Variants in PHACTR3 observed in about 807,000 individuals in gnomAD.
PHACTR3 encodes the protein phosphatase and actin regulator 3, also known as protein phosphatase 1, regulatory subunit 123.
In PHACTR3, 16 loss-of-function variants were observed where a neutral mutation model predicts 66.8. The ratio of observed to expected loss-of-function variants is 0.24; its 90% CI spans 0.16 to 0.36. The LOEUF (loss-of-function observed/expected upper bound fraction) is 0.36, where lower values mean the gene tolerates loss of function less well. PHACTR3 is among the 10% of genes least tolerant of loss of function. PHACTR3 has a pLI of 1.00. For missense variants in PHACTR3, 647 were observed against 719.9 expected (o/e 0.90, Z 1.16); for synonymous variants, 323 against 292.1 (o/e 1.11, Z -1.08).
chr20:59,653,228 A>T (rs1413431427), intron 1 of PHACTR3, among the ~76,000 whole-genome samples: 1 of 150,082 alleles, frequency 6.7e-6, no homozygotes, highest in Non-Finnish European at 1.5e-5. Flanking sequence ...TCTGGCACCC[A>T]GGCTGGAGTG....
chr20:59,824,733 G>A (rs2042135876), intron 8 of PHACTR3, among the ~76,000 whole-genome samples: 1 of 152,206 alleles, frequency 6.6e-6, no homozygotes, highest in Non-Finnish European at 1.5e-5. Flanking sequence ...TTTTTGACCT[G>A]AGCATTGACC....
At chr20:59,619,817 G>T (rs775706985) in intron 1 of PHACTR3, among the ~76,000 whole-genome samples, 31 of 152,214 alleles carry the variant, frequency 2.0e-4, no homozygotes, top group Non-Finnish European at 3.2e-4. Flanking sequence ...TGGTCACCTG[G>T]CTACCCTGGC....
chr20:59,735,324 C>T (rs1462407729), intron 1 of PHACTR3, among the ~76,000 whole-genome samples: 4 of 151,766 alleles, frequency 2.6e-5, no homozygotes, highest in African/African-American at 9.7e-5. Context: ...GGCCCTCAGC[C>T]GATATGATGA....
chr20:59,697,947 C>G lies in PHACTR3; in HGVS notation c.119-45160C>G, dbSNP rs183432649. Among the ~76,000 whole-genome samples the G allele has an allele frequency of 4.7e-4, 71 of 152,266 alleles. No individual in the cohort carries two copies. In the East Asian group the frequency reaches 0.012, roughly 25 times the overall value. On this transcript the variant is annotated intron_variant, in intron 1 of 12. Coordinates refer to ENST00000371015, the MANE Select transcript of PHACTR3 (RefSeq NM_080672.5). ...GATATAAATTGGTATGGCCATCTTG[C>G]AGACACAGTTTGGCAATATCAAGTA...
chr20:59,729,194 AGG>A (rs970594588), intron 1 of PHACTR3, among the ~76,000 whole-genome samples: 5 of 151,966 alleles, frequency 3.3e-5, no homozygotes, highest in African/African-American at 1.2e-4. Context: ...ACCCGAAGGG[AGG>A]GCATTGCGGG....
intron 1 of PHACTR3, among the ~76,000 whole-genome samples, chr20:59,666,554 CAAAG>C (rs944977003): frequency 1.9e-4 from 28 of 146,776 alleles, no homozygotes; most frequent in South Asian, 1.1e-3. Flanking sequence ...GAGAGAGAGA[CAAAG>C]AGAGACAGAG....
intron 1 of PHACTR3, among the ~76,000 whole-genome samples, chr20:59,640,444 C>T (rs1321909791): frequency 6.6e-6 from 1 of 152,164 alleles, no homozygotes; most frequent in Non-Finnish European, 1.5e-5. Context: ...AGGCGGTCTT[C>T]AACCAGTCTT....
At chr20:59,845,927 C>T (rs572994077) in intron 12 of PHACTR3, among the ~76,000 whole-genome samples, 7 of 152,222 alleles carry the variant, frequency 4.6e-5, no homozygotes, top group South Asian at 2.1e-4. Context: ...TTAGTGATGA[C>T]GAAGTTGGGA....
Position 59,775,089 on chromosome 20 carries a change from G to C in PHACTR3, c.1174+599G>C, listed in dbSNP as rs2903083. On this transcript the variant is annotated intron_variant, in intron 7 of 12. Transcript: ENST00000371015. ...TTGTCCTCATGGTGCGTTCTCCCAT[G>C]AGGTAATTGCTCCATCCTACCCTTG... 2.3e-4 allele frequency among the ~76,000 whole-genome samples: 6 copies of C among 26,566 alleles called. No individual in the cohort carries two copies. In the South Asian group the frequency reaches 5.3e-3, roughly 24 times the overall value. 17.4% of individuals were successfully genotyped at this position (26,566 alleles called of 152,430 possible).
chr20:59,684,521 T>C, intron 1 of PHACTR3, among the ~76,000 whole-genome samples: 1 of 152,166 alleles, frequency 6.6e-6, no homozygotes, highest in Non-Finnish European at 1.5e-5. Flanking sequence ...GAGTTGTCCA[T>C]GTTATCTGCA....
intron 8 of PHACTR3, 103 bp downstream of exon 8, chr20:59,806,297 C>T: frequency 7.0e-7 from 1 of 1,438,246 alleles, no homozygotes; most frequent in East Asian, 2.3e-5. Context: ...GGACGCACAA[C>T]CCACCGTCTG....
chr20:59,663,695 G>A (rs989930096), intron 1 of PHACTR3, among the ~76,000 whole-genome samples: 1 of 152,180 alleles, frequency 6.6e-6, no homozygotes, highest in Admixed American at 6.5e-5. Flanking sequence ...CTCTGGGGCC[G>A]GCTGACCTGG....
At chr20:59,600,625 C>T (rs1402704942), upstream of PHACTR3, among the ~76,000 whole-genome samples, 2 of 152,166 alleles carry the variant, frequency 1.3e-5, no homozygotes, top group East Asian at 3.9e-4. Context: ...CCTGGCTGCC[C>T]CTGGGCAGAG....
chr20:59,729,596 G>C (rs899352192), intron 1 of PHACTR3, among the ~76,000 whole-genome samples: 3 of 152,118 alleles, frequency 2.0e-5, no homozygotes, highest in African/African-American at 7.2e-5. Context: ...CAACAGCCAT[G>C]GGTGACCTTT....
chr20:59,648,328 AT>A (rs2035353279), intron 1 of PHACTR3, among the ~76,000 whole-genome samples: 1 of 152,222 alleles, frequency 6.6e-6, no homozygotes. Flanking sequence ...TTAGTGAAGA[AT>A]ACCAAAGCTG....
At chr20:59,812,627 A>G (rs917172543) in intron 8 of PHACTR3, among the ~76,000 whole-genome samples, 1 of 152,234 alleles carries the variant, frequency 6.6e-6, no homozygotes, top group African/African-American at 2.4e-5. Flanking sequence ...CCAGGGGACC[A>G]GCCTGTCTCA....
intron 1 of PHACTR3, among the ~76,000 whole-genome samples, chr20:59,632,771 C>A (rs925134576): frequency 6.6e-6 from 1 of 152,182 alleles, no homozygotes; most frequent in Non-Finnish European, 1.5e-5. Context: ...AGTGCCCAGG[C>A]TGGAATGCAA....
At chr20:59,725,130 T>A (rs2038512377) in intron 1 of PHACTR3, among the ~76,000 whole-genome samples, 2 of 149,100 alleles carry the variant, frequency 1.3e-5, no homozygotes, top group Non-Finnish European at 3.0e-5. Context: ...AGTGAGGCTA[T>A]GCACTCAGGT....
intron 1 of PHACTR3, among the ~76,000 whole-genome samples, chr20:59,615,894 G>A (rs1327423605): frequency 6.6e-6 from 1 of 152,168 alleles, no homozygotes; most frequent in African/African-American, 2.4e-5. Context: ...GAGAATTGGG[G>A]CCAGTCTTGT....
Sources: gnomAD v4.1 joint callset for allele counts (sites outside exome capture counted in the v4.1 genomes callset) on GRCh38, gnomAD v4.1.1 for gene constraint, MANE v1.5 for transcripts, NCBI Gene and HGNC (gene_info 2026-07-23, HGNC 2026-07-21) for gene names.